The following CCDC92 variants were observed in gnomAD, a reference collection of about 807,000 sequenced individuals.
The protein encoded by CCDC92 is coiled-coil domain-containing protein 92.
A neutral mutation model predicts 24.9 loss-of-function variants in CCDC92; 12 were observed. The ratio of observed to expected loss-of-function variants is 0.48; its 90% CI spans 0.31 to 0.78. CCDC92 has a LOEUF of 0.78. Ranked by LOEUF, CCDC92 falls within the 30% of genes least tolerant of loss-of-function variation. The pLI, the probability that CCDC92 is intolerant of heterozygous loss-of-function variation, is 0.05. For synonymous variants in CCDC92, 193 were observed against 196.3 expected, an observed-to-expected ratio of 0.98 and a Z score of 0.14; for missense variants, 399 against 439.4, an observed-to-expected ratio of 0.91 and a Z score of 0.82.
At chr12:123,943,261 C>A in intron 3 of CCDC92, 86 bp downstream of exon 3, 1 of 1,445,460 alleles carries the variant, frequency 6.9e-7, no homozygotes, top group Non-Finnish European at 9.5e-7. Flanking sequence ...GAGCTGGGGG[C>A]AGGGCAGGCC....
Position 123,969,461 on chromosome 12 carries a change from G to GTT in CCDC92, c.-60+3066_-60+3067dup, listed in dbSNP as rs60485501. 5.7e-3 allele frequency among the ~76,000 whole-genome samples: 528 copies of GTT among 93,046 alleles called. 30 individuals carry two copies. The highest frequency in any genetic ancestry group is 0.018 in the African/African-American group (387 of 21,704). 61.0% of individuals were successfully genotyped at this position (93,046 alleles called of 152,430 possible). On this transcript the variant is annotated intron_variant, in intron 1 of 4. Transcript: ENST00000238156. The stretch of plus-strand genomic sequence containing the variant: ...CATCTCTTATATCATCTCTTATTCA[G>GTT]TTTTTTTTTTTTTTTTTTTTTTTTT...
intron 1 of CCDC92, 51 bp from the exon 2 acceptor site, chr12:123,944,415 G>A (rs1221641516): frequency 9.9e-7 from 1 of 1,009,042 alleles, no homozygotes; most frequent in Non-Finnish European, 1.4e-6. Flanking sequence ...TGTAAATACA[G>A]AACCTCAGAA....
At chr12:123,940,187 A>G (rs1250968116) in intron 4 of CCDC92, among the ~76,000 whole-genome samples, 3 of 152,118 alleles carry the variant, frequency 2.0e-5, no homozygotes, top group Non-Finnish European at 2.9e-5. Context: ...CGGACTGGGG[A>G]CTTGGATTTG....
intron 1 of CCDC92, chr12:123,970,106 ATGTAGGTGTC>A (rs1237475451): frequency 2.0e-5 from 3 of 151,972 alleles, no homozygotes; most frequent in Non-Finnish European, 2.9e-5. Flanking sequence ...CCTAGGGTTC[ATGTAGGTGTC>A]TGCGGATGTT....
intron 1 of CCDC92, among the ~76,000 whole-genome samples, chr12:123,964,365 A>G (rs978448910): frequency 6.7e-6 from 1 of 150,232 alleles, no homozygotes; most frequent in African/African-American, 2.5e-5. Context: ...TTTCATATCT[A>G]TTTTTGTGAA....
At position 123,937,983 on chromosome 12, in the gene CCDC92, C is replaced by A. The variant is rs1442007050; in HGVS notation, c.224-153G>T. On this transcript the variant is annotated intron_variant, in intron 4 of 4. Transcript: ENST00000238156. This position sits in a 1 kb window ranked among gnomAD's most constrained non-coding sequence, Gnocchi z 8.4. The stretch of plus-strand genomic sequence containing the variant: ...GGGCTGTGGGGGCTCTGGAAAGACC[C>A]CTCCCCTCCCCGAGGTGGGGAGATC... 6.6e-6 allele frequency among the ~76,000 whole-genome samples: 1 copy of A among 152,150 alleles called. No individual in the cohort carries two copies. Among genetic ancestry groups the A allele is most frequent in the Non-Finnish European group, 1.5e-5 (1 of 68,038 alleles).
Position 123,937,858 on chromosome 12 carries a change from GA to G in CCDC92, c.224-29del. ...ACAAGAATAAGCCGAGGAAGCAGGT[GA>G]AGAACTCATTAGACTGAGGCCGAGT... is the stretch of plus-strand genomic sequence containing the variant. On this transcript the variant is annotated intron_variant, in intron 4 of 4. Transcript: ENST00000238156. The surrounding 1 kb of genome is among the most constrained non-coding windows in gnomAD (Gnocchi z 8.4). 6.3e-7 allele frequency: 1 copy of G among 1,578,064 alleles called. No homozygotes were observed. Among genetic ancestry groups the G allele is most frequent in the Non-Finnish European group, 8.6e-7 (1 of 1,168,306 alleles).
At chr12:123,948,989 C>T (rs990119193) in intron 1 of CCDC92, among the ~76,000 whole-genome samples, 13 of 152,120 alleles carry the variant, frequency 8.5e-5, no homozygotes, top group Admixed American at 2.6e-4. Context: ...GAGACCCAGC[C>T]GGGAGATGCA....
At chr12:123,963,732 C>T (rs921697461) in intron 1 of CCDC92, among the ~76,000 whole-genome samples, 7 of 152,156 alleles carry the variant, frequency 4.6e-5, no homozygotes, top group African/African-American at 1.4e-4. Context: ...TATAAAGCTG[C>T]GTATTTCCAC....
intron 1 of CCDC92, among the ~76,000 whole-genome samples, chr12:123,968,849 T>A (rs1956454484): frequency 6.6e-6 from 1 of 152,222 alleles, no homozygotes; most frequent in Admixed American, 6.5e-5. Context: ...AACGAGAGAG[T>A]AACTACTTTA....
intron 1 of CCDC92, among the ~76,000 whole-genome samples, chr12:123,947,223 T>C (rs1955897999): frequency 6.6e-6 from 1 of 152,178 alleles, no homozygotes. Flanking sequence ...ACCTGCAGCC[T>C]GCCATGCCTG....
chr12:123,943,766 C>G, intron 2 of CCDC92: 1 of 541,792 alleles, frequency 1.8e-6, no homozygotes, highest in Non-Finnish European at 3.3e-6. Flanking sequence ...GTGAGGCCCA[C>G]TCCAGAGTAC....
intron 1 of CCDC92, among the ~76,000 whole-genome samples, chr12:123,948,074 G>A (rs1319766618): frequency 6.6e-6 from 1 of 152,168 alleles, no homozygotes; most frequent in East Asian, 1.9e-4. Flanking sequence ...CTTGAAGTCA[G>A]TGAGACCAAG....
chr12:123,962,592 T>C (rs947658496), intron 1 of CCDC92: 5 of 153,472 alleles, frequency 3.3e-5, no homozygotes, highest in African/African-American at 9.6e-5. Context: ...GTTTGAGTTT[T>C]TGCCTGCTTA....
chr12:123,937,477 G>T lies in CCDC92; in HGVS notation c.577C>A (p.Pro193Thr), dbSNP rs137881473. Reference protein sequence around the residue: ...SPVLASYKPAPPKDKLPETPR... With the variant: ...SPVLASYKPATPKDKLPETPR... The stretch of plus-strand genomic sequence containing the variant: ...GTTTCGGGTAGCTTGTCTTTGGGGG[G>T]CGCTGGCTTGTAGCTGGCCAGCACG... Residue 193 changes from proline to threonine, a missense_variant, in exon 5 of 5, where the codon CCC (proline) becomes ACC (threonine). Coordinates refer to ENST00000238156, the MANE Select transcript of CCDC92 (RefSeq NM_025140.3). The surrounding 1 kb of genome is among the most constrained non-coding windows in gnomAD (Gnocchi z 8.4). 153 of 1,613,074 alleles carry T rather than the reference G, an allele frequency of 9.5e-5. No homozygotes were observed. The Middle Eastern group carries it at 4.5e-3, about 47-fold the overall frequency.
intron 1 of CCDC92, chr12:123,971,624 A>G (rs945533556): frequency 6.6e-6 from 1 of 152,222 alleles, no homozygotes; most frequent in Non-Finnish European, 1.5e-5. Context: ...GAGCGCGGTT[A>G]TATTTTCTCT....
intron 1 of CCDC92, among the ~76,000 whole-genome samples, chr12:123,969,346 G>A (rs1223353819): frequency 2.0e-5 from 3 of 151,896 alleles, no homozygotes; most frequent in African/African-American, 7.3e-5. Context: ...ACTTAATGTA[G>A]GTGGATATGA....
At chr12:123,965,935 T>C (rs1956382256) in intron 1 of CCDC92, 1 of 152,216 alleles carries the variant, frequency 6.6e-6, no homozygotes, top group Non-Finnish European at 1.5e-5. Context: ...GATGGGGCTG[T>C]AGGGTGGGAG....
rs1956286982 is a variant in CCDC92, at chr12:123,962,195, C to T, written c.-60+10334G>A. On this transcript the variant is annotated intron_variant, in intron 1 of 4. Coordinates refer to ENST00000238156, the MANE Select transcript of CCDC92 (RefSeq NM_025140.3). ...CAGAATAAGAGAAAATGCTTCCTCT[C>T]TCCTAAAGCTGCAGAAAAACAGATA... is the stretch of plus-strand genomic sequence containing the variant. Among the ~76,000 whole-genome samples, 3 of 152,140 alleles carry T rather than the reference C, an allele frequency of 2.0e-5. No homozygotes were observed. In the South Asian group the frequency reaches 6.2e-4, roughly 31 times the overall value.
Sources: allele counts gnomAD v4.1 joint callset (sites outside exome capture counted in the v4.1 genomes callset), GRCh38; gene constraint gnomAD v4.1.1; non-coding constraint Gnocchi (gnomAD v3.1); transcripts MANE v1.5; gene names NCBI Gene and HGNC (gene_info 2026-07-23, HGNC 2026-07-21).